TMEM116: variants seen among roughly 807,000 people sequenced by gnomAD.
TMEM116 encodes the protein transmembrane protein 116.
Under a neutral mutation model 44.3 loss-of-function variants are expected in TMEM116, and 38 were observed. The observed-to-expected ratio is 0.86, with a 90% CI of 0.66 to 1.12. The LOEUF is 1.12. Among genes scored for constraint, TMEM116 ranks in the 50% most tolerant of loss-of-function variants. The pLI is 0.00. For missense variants in TMEM116, 354 were observed against 401.7 expected (o/e 0.88, Z 1.01); for synonymous variants, 132 against 144.8 (o/e 0.91, Z 0.64).
intron 4 of TMEM116, among the ~76,000 whole-genome samples, chr12:111,952,337 C>T (rs2073794203): frequency 6.6e-6 from 1 of 152,178 alleles, no homozygotes; most frequent in African/African-American, 2.4e-5. Flanking sequence ...TTGCTATCTA[C>T]TAGCTGAACA....
intron 7 of TMEM116, 117 bp downstream of exon 7, chr12:111,937,043 C>T: frequency 2.8e-6 from 3 of 1,088,610 alleles, no homozygotes; most frequent in Admixed American, 4.2e-5. Context: ...GTTCCTTAGC[C>T]CATTTCTAAT....
At chr12:111,951,508 C>G (rs1235748497) in intron 4 of TMEM116, among the ~76,000 whole-genome samples, 1 of 152,114 alleles carries the variant, frequency 6.6e-6, no homozygotes, top group Admixed American at 6.5e-5. Flanking sequence ...AAGATCATGT[C>G]CTTTTCAGGA....
At chr12:111,967,512 A>T (rs1018603093) in intron 4 of TMEM116, among the ~76,000 whole-genome samples, 6 of 151,996 alleles carry the variant, frequency 3.9e-5, no homozygotes. Context: ...TAATTTAGAT[A>T]TATATTATAA....
At chr12:111,978,573 G>A (rs2075787190) in intron 4 of TMEM116, among the ~76,000 whole-genome samples, 1 of 152,126 alleles carries the variant, frequency 6.6e-6, no homozygotes. Flanking sequence ...TTTAGAAGGT[G>A]GGGCCTTTGG....
intron 1 of TMEM116, among the ~76,000 whole-genome samples, chr12:112,007,082 C>T (rs2077620034): frequency 6.6e-6 from 1 of 152,146 alleles, no homozygotes; most frequent in Non-Finnish European, 1.5e-5. Flanking sequence ...AGCCATTGCA[C>T]TCCATCCTGG....
chr12:111,948,263 G>T (rs940849992), intron 4 of TMEM116, among the ~76,000 whole-genome samples: 3 of 152,198 alleles, frequency 2.0e-5, no homozygotes, highest in Non-Finnish European at 4.4e-5. Flanking sequence ...ATCCAGGAAA[G>T]AAATAGTTCA....
intron 4 of TMEM116, among the ~76,000 whole-genome samples, chr12:111,952,193 C>G (rs1426138841): frequency 6.6e-6 from 1 of 152,124 alleles, no homozygotes; most frequent in African/African-American, 2.4e-5. Context: ...TGAGCCACTG[C>G]ACTCCAGCCT....
intron 10 of TMEM116, 132 bp from the exon 11 acceptor site, chr12:111,931,959 T>G: frequency 1.6e-6 from 1 of 641,512 alleles, no homozygotes; most frequent in South Asian, 2.6e-5. Flanking sequence ...TGACATCAGT[T>G]TTTTATATTT....
chr12:112,001,859 T>G (rs557074274), intron 3 of TMEM116, among the ~76,000 whole-genome samples: 9 of 152,324 alleles, frequency 5.9e-5, no homozygotes, highest in African/African-American at 2.2e-4. Context: ...AACTTCAAAA[T>G]CCATTTTCAT....
At chr12:111,974,313 T>C (rs137868590) in intron 4 of TMEM116, among the ~76,000 whole-genome samples, 180 of 152,220 alleles carry the variant, frequency 1.2e-3, no homozygotes, top group African/African-American at 4.1e-3. Context: ...TTCAACATTG[T>C]ACTGGAGGTT....
chr12:111,941,361 C>A (rs1219973686), intron 5 of TMEM116, among the ~76,000 whole-genome samples: 2 of 138,892 alleles, frequency 1.4e-5, no homozygotes, highest in African/African-American at 5.4e-5. Context: ...GGCGACAGAG[C>A]GAGATTCCAT....
At chr12:111,943,486 G>A (rs1419282298) in intron 4 of TMEM116, 117 bp from the exon 5 acceptor site, 6 of 731,324 alleles carry the variant, frequency 8.2e-6, no homozygotes, top group South Asian at 6.7e-5. Context: ...TATTAGTAAT[G>A]TACCATCTAG....
intron 10 of TMEM116, 147 bp from the exon 11 acceptor site, chr12:111,931,974 A>G: frequency 3.3e-6 from 2 of 605,150 alleles, no homozygotes; most frequent in East Asian, 3.0e-5. Context: ...ATATTTTTCT[A>G]GTTCATCCTG....
At chr12:111,992,010 G>A (rs1020575862) in intron 3 of TMEM116, 121 bp from the exon 4 acceptor site, 3 of 1,067,016 alleles carry the variant, frequency 2.8e-6, no homozygotes. Flanking sequence ...TGGGGCCTCT[G>A]CCATTGGTTG....
chr12:111,965,775 C>T, intron 4 of TMEM116: 1 of 369,494 alleles, frequency 2.7e-6, no homozygotes, highest in Non-Finnish European at 5.3e-6. Context: ...AAAAAAAATA[C>T]AAAAATTAGC....
intron 1 of TMEM116, among the ~76,000 whole-genome samples, chr12:112,008,149 C>CA (rs1398929103): frequency 2.0e-5 from 3 of 152,170 alleles, no homozygotes; most frequent in African/African-American, 7.2e-5. Context: ...TCACTGCACT[C>CA]ACGCTCCAGC....
chr12:111,998,986 A>C (rs2077082446), intron 3 of TMEM116, among the ~76,000 whole-genome samples: 1 of 152,184 alleles, frequency 6.6e-6, no homozygotes, highest in South Asian at 2.1e-4. Flanking sequence ...TTATACAACA[A>C]AAATTAACTG....
intron 4 of TMEM116, 144 bp downstream of exon 4, chr12:111,991,614 A>G: frequency 1.3e-6 from 1 of 754,692 alleles, no homozygotes. Flanking sequence ...AGTGTTTTTA[A>G]TATGAAAAAA....
chr12:111,999,250 C>T (rs1477100332), intron 3 of TMEM116, among the ~76,000 whole-genome samples: 1 of 151,624 alleles, frequency 6.6e-6, no homozygotes, highest in Non-Finnish European at 1.5e-5. Flanking sequence ...AGAAATTCAA[C>T]TTTATTTACA....
Sources: gnomAD v4.1 joint callset for allele counts (sites outside exome capture counted in the v4.1 genomes callset) on GRCh38, gnomAD v4.1.1 for gene constraint, MANE v1.5 for transcripts, NCBI Gene and HGNC (gene_info 2026-07-23, HGNC 2026-07-21) for gene names.